Variants in PSMA1 observed in about 807,000 individuals in gnomAD.
PSMA1 encodes proteasome 20S subunit alpha 1.
In PSMA1, 3 loss-of-function variants were observed where a neutral mutation model predicts 38.4. That is an observed-to-expected ratio of 0.08 (90% CI 0.04 to 0.20). The LOEUF is 0.20. Ranked by LOEUF, PSMA1 falls within the 10% of genes least tolerant of loss-of-function variation. The probability of loss-of-function intolerance (pLI) is 1.00; values close to 1 mark genes in which losing one functional copy is unlikely to be tolerated. For missense variants in PSMA1, 227 were observed against 325.3 expected (o/e 0.70, Z 2.32); for synonymous variants, 101 against 107.1 (o/e 0.94, Z 0.35).
At chr11:14,636,831 T>C (rs1853118105) in intron 1 of PSMA1, among the ~76,000 whole-genome samples, 1 of 152,232 alleles carries the variant, frequency 6.6e-6, no homozygotes, top group East Asian at 1.9e-4. Context: ...CAGAAAGTTT[T>C]ATAGCTGTTA....
At chr11:14,642,278 G>C in intron 1 of PSMA1, among the ~76,000 whole-genome samples, 1 of 152,146 alleles carries the variant, frequency 6.6e-6, no homozygotes, top group East Asian at 1.9e-4. Context: ...TCAACTGGTG[G>C]TAATGAGTTC....
At position 14,513,798 on chromosome 11, in the gene PSMA1, C is replaced by A; in HGVS notation, c.414+19G>T. On this transcript the variant is annotated intron_variant, in intron 6 of 9. Coordinates refer to ENST00000396394, the MANE Select transcript of PSMA1 (RefSeq NM_002786.4). Reference sequence around the variant, plus strand: ...ATTAAAAAAAATCATTAACATATAACAATATTCAATGAACTTACATCATAA... The same window carrying A: ...ATTAAAAAAAATCATTAACATATAAAAATATTCAATGAACTTACATCATAA... 2 of 1,568,916 alleles carry A rather than the reference C, an allele frequency of 1.3e-6. No individual in the cohort carries two copies. The highest frequency in any genetic ancestry group is 1.7e-6 in the Non-Finnish European group (2 of 1,164,370).
At chr11:14,610,862 G>T in intron 2 of PSMA1, 1 of 1,196,332 alleles carries the variant, frequency 8.4e-7, no homozygotes. Context: ...CTAGAGATGC[G>T]TTTTTCTCAC....
intron 2 of PSMA1, among the ~76,000 whole-genome samples, chr11:14,567,405 G>A (rs1852084726): frequency 6.6e-6 from 1 of 152,228 alleles, no homozygotes; most frequent in Non-Finnish European, 1.5e-5. Flanking sequence ...GGTACAGGAA[G>A]TGAAAATGTA....
At chr11:14,530,090 T>C (rs984947412) in intron 2 of PSMA1, among the ~76,000 whole-genome samples, 2 of 152,202 alleles carry the variant, frequency 1.3e-5, no homozygotes, top group East Asian at 1.9e-4. Context: ...ATTGAATGAA[T>C]GAATTCCTCA....
chr11:14,545,842 T>C (rs1851820028), intron 2 of PSMA1, among the ~76,000 whole-genome samples: 1 of 152,218 alleles, frequency 6.6e-6, no homozygotes, highest in Admixed American at 6.5e-5. Context: ...TCTACATTAA[T>C]AATTGAAGAA....
intron 2 of PSMA1, among the ~76,000 whole-genome samples, chr11:14,574,533 A>T (rs1433072771): frequency 6.6e-6 from 1 of 152,196 alleles, no homozygotes; most frequent in African/African-American, 2.4e-5. Flanking sequence ...CCCAAATCTC[A>T]TCTTGAATGG....
chr11:14,520,383 A>G lies in PSMA1; in HGVS notation c.-84T>C, dbSNP rs1440000344. 1.2e-5 allele frequency: 19 copies of G among 1,613,902 alleles called. No homozygotes were observed. Among genetic ancestry groups the G allele is most frequent in the Admixed American group, 1.7e-5 (1 of 60,008 alleles). ...CCGAAAGTATCGCTCAGCGATCTAC[A>G]GAGAAGTCTGCGGGAGTTTGACGGC... On this transcript the variant is annotated 5_prime_UTR_variant, in exon 1 of 10. Coordinates refer to ENST00000396394, the MANE Select transcript of PSMA1 (RefSeq NM_002786.4).
chr11:14,547,317 C>CT (rs1851837135), intron 2 of PSMA1, among the ~76,000 whole-genome samples: 1 of 152,114 alleles, frequency 6.6e-6, no homozygotes, highest in African/African-American at 2.4e-5. Flanking sequence ...TTAGAGAAAT[C>CT]TTTTTAAATG....
chr11:14,605,945 C>A (rs1852637589), intron 2 of PSMA1, among the ~76,000 whole-genome samples: 1 of 152,152 alleles, frequency 6.6e-6, no homozygotes, highest in African/African-American at 2.4e-5. Flanking sequence ...GTCATAAATT[C>A]TTTCCCAAGG....
chr11:14,515,961 C>T (rs1157522411), intron 4 of PSMA1, among the ~76,000 whole-genome samples: 1 of 151,678 alleles, frequency 6.6e-6, no homozygotes, highest in African/African-American at 2.4e-5. Context: ...CCTGTAATCC[C>T]AGCACTTTGG....
At chr11:14,636,743 T>C (rs1385581621) in intron 1 of PSMA1, among the ~76,000 whole-genome samples, 2 of 152,226 alleles carry the variant, frequency 1.3e-5, no homozygotes, top group East Asian at 3.8e-4. Flanking sequence ...TTTCAAGATA[T>C]TCTAGTCACC....
intron 2 of PSMA1, among the ~76,000 whole-genome samples, chr11:14,546,226 C>G (rs1290551461): frequency 6.6e-6 from 1 of 150,524 alleles, no homozygotes; most frequent in Non-Finnish European, 1.5e-5. Context: ...TGAGTCAGTT[C>G]TAAAAAGAGA....
chr11:14,505,158 T>G lies in PSMA1; in HGVS notation c.*34A>C. 1 of 1,563,640 alleles carries G rather than the reference T, an allele frequency of 6.4e-7. No homozygotes were observed. The highest frequency in any genetic ancestry group is 8.8e-7 in the Non-Finnish European group (1 of 1,134,310). On this transcript the variant is annotated 3_prime_UTR_variant, in exon 10 of 10. Coordinates refer to ENST00000396394, the MANE Select transcript of PSMA1 (RefSeq NM_002786.4). ...AGTATGTGGTGCCTGTATTCTTACA[T>G]ATTTGATAATACATATATAGACTGG...
chr11:14,545,475 C>T (rs887115196), intron 2 of PSMA1, among the ~76,000 whole-genome samples: 20 of 152,156 alleles, frequency 1.3e-4, no homozygotes, highest in South Asian at 4.1e-4. Flanking sequence ...CCTTTCCCCT[C>T]GTACAGGCCC....
intron 1 of PSMA1, among the ~76,000 whole-genome samples, chr11:14,614,018 T>C (rs1565058595): frequency 6.6e-6 from 1 of 152,192 alleles, no homozygotes. Flanking sequence ...ACTCTGCTTG[T>C]CACAGTATTA....
exon 2 of PSMA1, chr11:14,611,006 C>T: frequency 6.2e-7 from 1 of 1,611,796 alleles, no homozygotes; most frequent in Non-Finnish European, 8.5e-7. Flanking sequence ...AGGAGACAGT[C>T]ACCTAGTAGA....
At chr11:14,520,023 AG>A (rs1851501110) in intron 1 of PSMA1, 1 of 575,062 alleles carries the variant, frequency 1.7e-6, no homozygotes, top group Non-Finnish European at 3.1e-6. Flanking sequence ...ACTCCACTGA[AG>A]GAACCTGAGG....
intron 1 of PSMA1, among the ~76,000 whole-genome samples, chr11:14,636,388 G>A (rs1853113613): frequency 1.3e-5 from 2 of 152,126 alleles, no homozygotes; most frequent in South Asian, 4.1e-4. Flanking sequence ...ACTCCTGTCT[G>A]ATTCTCTTTC....
Sources: allele counts gnomAD v4.1 joint callset (sites outside exome capture counted in the v4.1 genomes callset), GRCh38; gene constraint gnomAD v4.1.1; transcripts MANE v1.5; gene names NCBI Gene and HGNC (gene_info 2026-07-23, HGNC 2026-07-21).